PWP1: variants seen among roughly 807,000 people sequenced by gnomAD.
PWP1 encodes the protein PWP1 homolog, endonuclein, also known as periodic tryptophan protein 1 homolog.
In PWP1, 47 loss-of-function variants were observed where a neutral mutation model predicts 69.9. The observed-to-expected ratio is 0.67, with a 90% CI of 0.53 to 0.86. The LOEUF (loss-of-function observed/expected upper bound fraction) is 0.86, where lower values mean the gene tolerates loss of function less well. Among genes scored for constraint, PWP1 ranks in the 40% least tolerant of loss-of-function variants. PWP1 has a pLI of 0.00. For missense variants in PWP1, 551 were observed against 608.8 expected (o/e 0.91, Z 1.00); for synonymous variants, 222 against 208.2 (o/e 1.07, Z -0.57).
At chr12:107,704,774 CT>C in intron 11 of PWP1, 27 bp downstream of exon 11, 2 of 1,576,636 alleles carry the variant, frequency 1.3e-6, no homozygotes, top group African/African-American at 2.7e-5. Flanking sequence ...TGTTGTTTTG[CT>C]TTTCTAGGTT....
chr12:107,702,888 CT>C, intron 8 of PWP1, 46 bp from the exon 9 acceptor site: 1 of 1,174,358 alleles, frequency 8.5e-7, no homozygotes, highest in Non-Finnish European at 1.3e-6. Flanking sequence ...ATATTTAATG[CT>C]CTTGACTTTT....
At chr12:107,703,602 C>T (rs73187399) in intron 9 of PWP1, 83 bp from the exon 10 acceptor site, 70,971 of 1,175,204 alleles carry the variant, frequency 0.06, 2,559 homozygotes, top group South Asian at 0.1. Context: ...GAAATACTGT[C>T]AAATAGATTC....
chr12:107,712,316 G>A lies in PWP1; in HGVS notation c.*96G>A. The A allele has an allele frequency of 1.2e-6, 1 of 844,686 alleles. No individual in the cohort carries two copies. Among genetic ancestry groups the A allele is most frequent in the Non-Finnish European group, 1.9e-6 (1 of 514,826 alleles). The allele number at this position is 844,686 out of a possible 1,614,324, so 52.3% of individuals were successfully genotyped here. A position where few individuals can be genotyped will look rare whatever the true frequency, so the allele number is the denominator to read the frequency against. Reference sequence around the variant, plus strand: ...GTGGCAGCAACCATGCAGAGTGACTGAAACACAATTCATTTCTGACTGACA... The same window carrying A: ...GTGGCAGCAACCATGCAGAGTGACTAAAACACAATTCATTTCTGACTGACA... On this transcript the variant is annotated 3_prime_UTR_variant, in exon 15 of 15. Transcript: ENST00000412830.
At chr12:107,705,220 C>G (rs1241936914) in intron 11 of PWP1, among the ~76,000 whole-genome samples, 1 of 151,948 alleles carries the variant, frequency 6.6e-6, no homozygotes, top group Non-Finnish European at 1.5e-5. Context: ...CTAAGGAGGA[C>G]AATGATTTTC....
At chr12:107,692,616 T>G in intron 3 of PWP1, 198 bp from the exon 4 acceptor site, 1 of 547,642 alleles carries the variant, frequency 1.8e-6, no homozygotes, top group Non-Finnish European at 3.2e-6. Flanking sequence ...CTGTCTGAAA[T>G]CCATTCCAAA....
chr12:107,705,639 G>A (rs547256714), intron 11 of PWP1, among the ~76,000 whole-genome samples: 8 of 151,132 alleles, frequency 5.3e-5, no homozygotes, highest in Non-Finnish European at 1.0e-4. Flanking sequence ...CTGTCCTTGC[G>A]ATAGATAGTT....
rs1452841407 is a variant in PWP1, at chr12:107,707,269, T to C, written c.1078-1657T>C. 2.0e-5 allele frequency among the ~76,000 whole-genome samples: 3 copies of C among 152,236 alleles called. No individual in the cohort carries two copies. The East Asian group carries it at 5.8e-4, about 29-fold the overall frequency. On this transcript the variant is annotated intron_variant, in intron 11 of 14. Coordinates refer to ENST00000412830, the MANE Select transcript of PWP1 (RefSeq NM_007062.3). ...TTTGTATCCTGAGACTTTGCTGAAGTTGCTTATCAGCTTAAGGAGATTTTG... is the reference window on the plus strand; with the variant it reads ...TTTGTATCCTGAGACTTTGCTGAAGCTGCTTATCAGCTTAAGGAGATTTTG...
chr12:107,700,882 G>A (rs183887105), intron 8 of PWP1, among the ~76,000 whole-genome samples: 1 of 146,332 alleles, frequency 6.8e-6, no homozygotes, highest in African/African-American at 2.4e-5. Flanking sequence ...TATCATTGCG[G>A]TTTTAATTTG....
Position 107,708,776 on chromosome 12 carries a change from C to T in PWP1, c.1078-150C>T, listed in dbSNP as rs139922249. 5.1e-4 allele frequency: 367 copies of T among 715,304 alleles called. 5 individuals carry two copies. The East Asian group carries it at 7.0e-3, about 14-fold the overall frequency. The allele number at this position is 715,304 out of a possible 1,614,324, so 44.3% of individuals were successfully genotyped here. Reference sequence around the variant, plus strand: ...AGCCCATGTGAGTGCAAACTCAGGTCGTCCAAAAGTAAATGATTTCTGTCC... The same window carrying T: ...AGCCCATGTGAGTGCAAACTCAGGTTGTCCAAAAGTAAATGATTTCTGTCC... On this transcript the variant is annotated intron_variant, in intron 11 of 14. Transcript: ENST00000412830.
chr12:107,686,748 C>T (rs1421091499), intron 1 of PWP1, among the ~76,000 whole-genome samples: 1 of 152,238 alleles, frequency 6.6e-6, no homozygotes, highest in Non-Finnish European at 1.5e-5. Context: ...GGGCGGATCA[C>T]GAGGTCAGGA....
chr12:107,693,230 C>G (rs1889521034), intron 5 of PWP1, 134 bp downstream of exon 5: 2 of 1,310,784 alleles, frequency 1.5e-6, no homozygotes, highest in Non-Finnish European at 2.0e-6. Flanking sequence ...AACTTTTACA[C>G]AGGTGGCCAA....
rs1415462769 is a variant in PWP1 at position 107,712,202 on chromosome 12, T to TA, written c.1489dup (p.Thr497AsnfsTer11). ...GCCCTTTTGGCAGCAGGAGCTCAGA[T>TA]ACACCCATGGAGTCTTAATGAAGAT... On this transcript the variant is annotated frameshift_variant, in exon 15 of 15. Transcript: ENST00000412830. LOFTEE classifies it high-confidence loss of function. The TA allele has an allele frequency of 1.2e-6, 2 of 1,612,944 alleles. No homozygotes were observed. Among genetic ancestry groups the TA allele is most frequent in the Non-Finnish European group, 1.7e-6 (2 of 1,179,018 alleles).
intron 11 of PWP1, among the ~76,000 whole-genome samples, chr12:107,708,554 ACT>A (rs1491182379): frequency 1.3e-5 from 2 of 151,792 alleles, no homozygotes; most frequent in Non-Finnish European, 2.9e-5. Context: ...GTTCCTTGAC[ACT>A]CTTCCCTATC....
At chr12:107,702,446 A>C (rs1440859012) in intron 8 of PWP1, among the ~76,000 whole-genome samples, 9 of 151,684 alleles carry the variant, frequency 5.9e-5, no homozygotes, top group Admixed American at 3.3e-4. Flanking sequence ...ATGCCCAGCT[A>C]ATTTTTTGTA....
At chr12:107,688,357 C>A in intron 1 of PWP1, 91 bp from the exon 2 acceptor site, 3 of 1,124,432 alleles carry the variant, frequency 2.7e-6, no homozygotes, top group South Asian at 1.5e-5. Context: ...CTTGGCGTTA[C>A]ATTTTACATT....
intron 5 of PWP1, among the ~76,000 whole-genome samples, chr12:107,693,828 A>G (rs909050469): frequency 7.2e-5 from 11 of 151,962 alleles, no homozygotes; most frequent in African/African-American, 2.7e-4. Flanking sequence ...CTTTTTCTTT[A>G]TGTGGATTAT....
chr12:107,701,927 C>T (rs1004460941), intron 8 of PWP1, among the ~76,000 whole-genome samples: 1 of 152,196 alleles, frequency 6.6e-6, no homozygotes, highest in Non-Finnish European at 1.5e-5. Context: ...ATCTGCCTGC[C>T]TCTGCCTTGC....
chr12:107,705,036 G>A (rs1889789259), intron 11 of PWP1, among the ~76,000 whole-genome samples: 1 of 151,934 alleles, frequency 6.6e-6, no homozygotes, highest in Non-Finnish European at 1.5e-5. Flanking sequence ...ACTAAGCATA[G>A]TTAGTATTTT....
intron 10 of PWP1, among the ~76,000 whole-genome samples, 182 bp from the exon 11 acceptor site, chr12:107,704,454 T>C (rs1889772919): frequency 6.6e-6 from 1 of 152,262 alleles, no homozygotes; most frequent in Non-Finnish European, 1.5e-5. Context: ...CTTCAAGTGT[T>C]AAGATCAGAA....
Sources: allele counts gnomAD v4.1 joint callset (sites outside exome capture counted in the v4.1 genomes callset), GRCh38; gene constraint gnomAD v4.1.1; transcripts MANE v1.5; gene names NCBI Gene and HGNC (gene_info 2026-07-23, HGNC 2026-07-21).